Variants in WDR49 observed in about 807,000 individuals in gnomAD.
WDR49 encodes the protein WD repeat domain 49.
A neutral mutation model predicts 119.5 loss-of-function variants in WDR49; 107 were observed. The observed-to-expected ratio is 0.90, with a 90% CI of 0.77 to 1.05. The LOEUF is 1.05. Ranked by LOEUF, WDR49 falls within the 50% of genes least tolerant of loss-of-function variation. The pLI, the probability that WDR49 is intolerant of heterozygous loss-of-function variation, is 0.00. For synonymous variants in WDR49, 425 were observed against 418.8 expected, an observed-to-expected ratio of 1.01 and a Z score of -0.18; for missense variants, 1,240 against 1,220.5, an observed-to-expected ratio of 1.02 and a Z score of -0.24.
intron 18 of WDR49, among the ~76,000 whole-genome samples, chr3:167,482,253 T>C (rs936075693): frequency 3.3e-5 from 5 of 152,138 alleles, no homozygotes; most frequent in African/African-American, 2.4e-5. Flanking sequence ...GGAAAGAATA[T>C]GTAAGCTAAG....
At position 167,653,410 on chromosome 3, in the gene WDR49, C is replaced by T; in HGVS notation, c.16G>A (p.Ala6Thr). 1 of 1,523,452 alleles carries T rather than the reference C, an allele frequency of 6.6e-7. No individual in the cohort carries two copies. Among genetic ancestry groups the T allele is most frequent in the Non-Finnish European group, 8.8e-7 (1 of 1,141,994 alleles). The allele number at this position is 1,523,452 out of a possible 1,614,324, so 94.4% of individuals were successfully genotyped here. A position where few individuals can be genotyped will look rare whatever the true frequency, so the allele number is the denominator to read the frequency against. Reference protein sequence around the residue: MSCQKAVLELNIGSQL... With the variant: MSCQKTVLELNIGSQL... Reference sequence around the variant, plus strand: ...GACCCTATGTTTAACTCAAGTACAGCTTTCTGGCAACTCATAATGGCTTCA... The same window carrying T: ...GACCCTATGTTTAACTCAAGTACAGTTTTCTGGCAACTCATAATGGCTTCA... Residue 6 changes from alanine (A) to threonine (T), a missense_variant, in exon 2 of 19, where the codon GCT becomes ACT. Ala to Thr is a moderately conservative substitution (Grantham distance 58, BLOSUM62 0). Coordinates refer to ENST00000682715, the MANE Select transcript of WDR49 (RefSeq NM_001366157.1).
chr3:167,555,783 A>T (rs1712888576), intron 9 of WDR49, among the ~76,000 whole-genome samples: 1 of 152,158 alleles, frequency 6.6e-6, no homozygotes, highest in Non-Finnish European at 1.5e-5. Flanking sequence ...TCCTATATAA[A>T]GTCACCCATC....
chr3:167,511,783 G>C (rs1478086778), intron 16 of WDR49, among the ~76,000 whole-genome samples: 1 of 152,214 alleles, frequency 6.6e-6, no homozygotes, highest in Non-Finnish European at 1.5e-5. Context: ...GTGTTGGGGA[G>C]ACTGGGCAGT....
At chr3:167,518,452 T>A (rs1488069083) in intron 16 of WDR49, among the ~76,000 whole-genome samples, 1 of 152,174 alleles carries the variant, frequency 6.6e-6, no homozygotes. Context: ...CATATCTCAC[T>A]GTGGTTTTGA....
intron 10 of WDR49, among the ~76,000 whole-genome samples, chr3:167,544,606 A>G (rs1712051943): frequency 6.6e-6 from 1 of 152,094 alleles, no homozygotes; most frequent in Non-Finnish European, 1.5e-5. Context: ...AGGACATGCT[A>G]TTCAACAAAT....
chr3:167,644,093 G>C (rs1718010462), intron 2 of WDR49, among the ~76,000 whole-genome samples: 2 of 139,044 alleles, frequency 1.4e-5, no homozygotes, highest in South Asian at 4.4e-4. Context: ...TTCATCACCT[G>C]TAAAATAAAG....
intron 2 of WDR49, among the ~76,000 whole-genome samples, chr3:167,640,316 A>C (rs1398325756): frequency 1.3e-5 from 2 of 151,796 alleles, no homozygotes; most frequent in Admixed American, 1.3e-4. Flanking sequence ...TTTCATCAGC[A>C]TTTAAACATG....
intron 7 of WDR49, among the ~76,000 whole-genome samples, chr3:167,577,857 G>GA (rs933989455): frequency 2.8e-4 from 42 of 151,754 alleles, no homozygotes; most frequent in Non-Finnish European, 4.0e-4. Context: ...ACTGCTTTGG[G>GA]AAAAAAATCT....
At chr3:167,545,454 GTCAA>G (rs1712116407) in intron 10 of WDR49, among the ~76,000 whole-genome samples, 1 of 142,740 alleles carries the variant, frequency 7.0e-6, no homozygotes. Context: ...CCAAATGCCC[GTCAA>G]TCAATAAGTG....
At chr3:167,620,760 C>T (rs1372155932) in intron 4 of WDR49, among the ~76,000 whole-genome samples, 157 bp from the exon 5 acceptor site, 5 of 152,054 alleles carry the variant, frequency 3.3e-5, no homozygotes, top group East Asian at 1.9e-4. Flanking sequence ...AAAAACAGAA[C>T]AATTATTAGT....
intron 18 of WDR49, among the ~76,000 whole-genome samples, chr3:167,487,619 C>A (rs573107790): frequency 6.6e-6 from 1 of 152,136 alleles, no homozygotes; most frequent in East Asian, 1.9e-4. Flanking sequence ...AAAATATTCA[C>A]AAACTATTCA....
intron 7 of WDR49, among the ~76,000 whole-genome samples, chr3:167,599,562 T>C (rs1331606152): frequency 6.6e-6 from 1 of 152,198 alleles, no homozygotes; most frequent in Non-Finnish European, 1.5e-5. Context: ...CGCTTGGTGC[T>C]CTATCTCACT....
chr3:167,620,399 T>C, intron 5 of WDR49, 30 bp downstream of exon 5: 3 of 1,522,102 alleles, frequency 2.0e-6, no homozygotes, highest in Non-Finnish European at 2.6e-6. Flanking sequence ...GAGGTGACCA[T>C]TTACTTTCAT....
intron 2 of WDR49, among the ~76,000 whole-genome samples, chr3:167,632,792 A>G (rs991031765): frequency 6.6e-6 from 1 of 151,956 alleles, no homozygotes; most frequent in Non-Finnish European, 1.5e-5. Context: ...TCATCCTACT[A>G]TATATATCAT....
At chr3:167,629,028 G>A (rs939255454) in intron 2 of WDR49, among the ~76,000 whole-genome samples, 7 of 152,048 alleles carry the variant, frequency 4.6e-5, no homozygotes, top group African/African-American at 1.7e-4. Flanking sequence ...GAGACTGAAG[G>A]GGAGGATTGC....
intron 5 of WDR49, among the ~76,000 whole-genome samples, chr3:167,612,120 A>G (rs989505437): frequency 3.3e-5 from 5 of 152,236 alleles, no homozygotes; most frequent in African/African-American, 1.2e-4. Context: ...AAATATTGAA[A>G]TAATATCAAG....
At chr3:167,607,447 T>C (rs1716116449) in intron 5 of WDR49, among the ~76,000 whole-genome samples, 1 of 152,192 alleles carries the variant, frequency 6.6e-6, no homozygotes, top group Non-Finnish European at 1.5e-5. Context: ...TTTAGGATTA[T>C]TTATTGAATC....
At chr3:167,537,359 G>C (rs556776288) in intron 10 of WDR49, among the ~76,000 whole-genome samples, 1 of 152,238 alleles carries the variant, frequency 6.6e-6, no homozygotes, top group African/African-American at 2.4e-5. Flanking sequence ...ACAATTAAAA[G>C]AGGGGGCAGG....
At chr3:167,624,483 A>C (rs543729866) in intron 3 of WDR49, among the ~76,000 whole-genome samples, 10 of 152,240 alleles carry the variant, frequency 6.6e-5, no homozygotes, top group Admixed American at 6.6e-4. Context: ...TGTGGGAGTT[A>C]CAAAACACTG....
Sources: allele counts gnomAD v4.1 joint callset (sites outside exome capture counted in the v4.1 genomes callset), GRCh38; gene constraint gnomAD v4.1.1; transcripts MANE v1.5; gene names NCBI Gene and HGNC (gene_info 2026-07-23, HGNC 2026-07-21).